Variants in COLGALT2 observed in about 807,000 individuals in gnomAD.
The protein encoded by COLGALT2 is collagen beta(1-O)galactosyltransferase 2, also known as procollagen galactosyltransferase 2.
A neutral mutation model predicts 73.4 loss-of-function variants in COLGALT2; 49 were observed. That is an observed-to-expected ratio of 0.67 (90% confidence interval 0.53 to 0.85). COLGALT2 has a LOEUF of 0.85. Among genes scored for constraint, COLGALT2 ranks in the 40% least tolerant of loss-of-function variants. The pLI, the probability that COLGALT2 is intolerant of heterozygous loss-of-function variation, is 0.00. For missense variants in COLGALT2, 722 were observed against 790.2 expected, an observed-to-expected ratio of 0.91 and a Z score of 1.03; for synonymous variants, 295 against 307.6, an observed-to-expected ratio of 0.96 and a Z score of 0.43.
At chr1:183,969,099 C>T (rs1013672821) in intron 5 of COLGALT2, among the ~76,000 whole-genome samples, 170 bp downstream of exon 5, 2 of 152,040 alleles carry the variant, frequency 1.3e-5, no homozygotes, top group African/African-American at 4.8e-5. Context: ...GTCATTGGTG[C>T]TCCCAGGGAC....
intron 1 of COLGALT2, among the ~76,000 whole-genome samples, chr1:184,020,528 A>G (rs1649150105): frequency 6.6e-6 from 1 of 152,200 alleles, no homozygotes; most frequent in Non-Finnish European, 1.5e-5. Flanking sequence ...CCTCCTCAAC[A>G]TCTTGACAAG....
At chr1:183,935,726 C>T (rs1024279349), downstream of COLGALT2, 8 of 410,568 alleles carry the variant, frequency 1.9e-5, no homozygotes, top group African/African-American at 1.7e-4. Flanking sequence ...GATCACACAG[C>T]AGTGATGGTT....
At chr1:183,999,224 T>C (rs1226276374) in intron 1 of COLGALT2, among the ~76,000 whole-genome samples, 1 of 152,104 alleles carries the variant, frequency 6.6e-6, no homozygotes, top group Non-Finnish European at 1.5e-5. Context: ...GAGATGAACA[T>C]ATGGCTTTTT....
chr1:183,950,905 T>C (rs1412081161), intron 8 of COLGALT2, 102 bp downstream of exon 8: 17 of 809,444 alleles, frequency 2.1e-5, no homozygotes, highest in Non-Finnish European at 3.3e-5. Context: ...TATCCTCTAA[T>C]GACCGAAGAG....
chr1:183,974,203 GAATTTTTGTTTAAGTACATTATAT>G (rs1386778655), intron 3 of COLGALT2, among the ~76,000 whole-genome samples: 2 of 152,214 alleles, frequency 1.3e-5, no homozygotes, highest in Non-Finnish European at 1.5e-5. Flanking sequence ...GTGACAAGTA[GAATTTTTGTTTAAGTACATTATAT>G]CAACCCATGC....
chr1:183,969,550 T>C, intron 4 of COLGALT2, 77 bp from the exon 5 acceptor site: 1 of 1,284,104 alleles, frequency 7.8e-7, no homozygotes, highest in Non-Finnish European at 1.1e-6. Flanking sequence ...CTAGACTGAT[T>C]CCTTTCAAGT....
At position 183,940,619 on chromosome 1, in the gene COLGALT2, C is replaced by T. The variant is rs756293963; in HGVS notation, c.1566G>A (p.Val522=). ...GANPFGKMLP[V]DEFLPVMYNK... ...TGTACATGACTGGCAGAAACTCATC[C>T]ACTGGCAGCATCTTCCCAAAAGGAT... Residue 522 remains valine (V), a synonymous_variant, in exon 11 of 12, where the codon GTG becomes GTA. Transcript: ENST00000361927. 6 of 1,614,094 alleles carry T rather than the reference C, an allele frequency of 3.7e-6. No homozygotes were observed. In the East Asian group the frequency reaches 1.1e-4, roughly 30 times the overall value.
At chr1:183,980,081 A>G (rs1057342537) in intron 1 of COLGALT2, among the ~76,000 whole-genome samples, 6 of 152,080 alleles carry the variant, frequency 3.9e-5, no homozygotes, top group Non-Finnish European at 8.8e-5. Flanking sequence ...AATAATGAAA[A>G]TACTACATAT....
At chr1:183,971,264 G>A (rs1030250769) in intron 4 of COLGALT2, among the ~76,000 whole-genome samples, 1 of 152,174 alleles carries the variant, frequency 6.6e-6, no homozygotes, top group Admixed American at 6.5e-5. Flanking sequence ...TGAAGTCACT[G>A]GCCCTTTCTA....
At chr1:183,981,963 T>G (rs1671363809) in intron 1 of COLGALT2, among the ~76,000 whole-genome samples, 1 of 152,232 alleles carries the variant, frequency 6.6e-6, no homozygotes, top group Non-Finnish European at 1.5e-5. Context: ...ATGTAAGTAA[T>G]ATTTGAAAAT....
chr1:183,988,022 A>C (rs1223384241), intron 1 of COLGALT2, among the ~76,000 whole-genome samples: 1 of 152,244 alleles, frequency 6.6e-6, no homozygotes, highest in African/African-American at 2.4e-5. Flanking sequence ...GCCCAGGTCC[A>C]TCTATCCACA....
chr1:184,036,241 G>C (rs1649670935), intron 1 of COLGALT2, among the ~76,000 whole-genome samples: 1 of 152,164 alleles, frequency 6.6e-6, no homozygotes, highest in East Asian at 1.9e-4. Context: ...TCGGATCCTC[G>C]CGTTTATAAA....
At chr1:183,973,032 T>C (rs1381077546) in intron 4 of COLGALT2, among the ~76,000 whole-genome samples, 1 of 152,188 alleles carries the variant, frequency 6.6e-6, no homozygotes, top group Non-Finnish European at 1.5e-5. Context: ...ATTCCACTTC[T>C]AAAAAGCTAT....
intron 1 of COLGALT2, among the ~76,000 whole-genome samples, chr1:183,988,587 T>C (rs952692028): frequency 6.6e-6 from 1 of 152,230 alleles, no homozygotes; most frequent in African/African-American, 2.4e-5. Context: ...TGGAATCATA[T>C]GATTGTGGCC....
At chr1:184,007,477 A>G (rs1672116948) in intron 1 of COLGALT2, among the ~76,000 whole-genome samples, 1 of 152,224 alleles carries the variant, frequency 6.6e-6, no homozygotes, top group Non-Finnish European at 1.5e-5. Flanking sequence ...GGTATATCAG[A>G]CTTGATTAAA....
chr1:184,002,837 C>T (rs1235880404), intron 1 of COLGALT2, among the ~76,000 whole-genome samples: 1 of 152,114 alleles, frequency 6.6e-6, no homozygotes, highest in Non-Finnish European at 1.5e-5. Flanking sequence ...ATTTAAAATT[C>T]ACATTTTTTT....
At chr1:183,994,323 C>A (rs1427605872) in intron 1 of COLGALT2, among the ~76,000 whole-genome samples, 1 of 152,014 alleles carries the variant, frequency 6.6e-6, no homozygotes, top group East Asian at 1.9e-4. Context: ...CAGGCATGAG[C>A]CACCGCACCT....
chr1:183,982,006 C>A (rs995555136), intron 1 of COLGALT2, among the ~76,000 whole-genome samples: 1 of 151,548 alleles, frequency 6.6e-6, no homozygotes, highest in African/African-American at 2.4e-5. Context: ...TAAATTAAAA[C>A]TAGCCTACTT....
rs1207920863 is a variant in COLGALT2, at chr1:183,994,540, C to T, written c.264-16020G>A. Among the ~76,000 whole-genome samples the T allele has an allele frequency of 3.9e-5, 6 of 152,198 alleles. No homozygotes were observed. In the East Asian group the frequency reaches 9.7e-4, roughly 24 times the overall value. ...TGTGATCTCAGCTCACTGCAACCTC[C>T]GCCTTCCAGGTTCAAGCGATTCTCC... On this transcript the variant is annotated intron_variant, in intron 1 of 11. Transcript: ENST00000361927.
Sources: gnomAD v4.1 joint callset for allele counts (sites outside exome capture counted in the v4.1 genomes callset) on GRCh38, gnomAD v4.1.1 for gene constraint, MANE v1.5 for transcripts, NCBI Gene and HGNC (gene_info 2026-07-23, HGNC 2026-07-21) for gene names.